The following NRXN3 variants were observed in gnomAD, a reference collection of about 807,000 sequenced individuals.
NRXN3 encodes neurexin III.
Under a neutral mutation model 137.6 loss-of-function variants are expected in NRXN3, and 32 were observed. The ratio of observed to expected loss-of-function variants is 0.23; its 90% CI spans 0.18 to 0.31. The LOEUF is 0.31. Among genes scored for constraint, NRXN3 ranks in the 10% least tolerant of loss-of-function variants. The pLI is 1.00. For missense variants in NRXN3, 1,574 were observed against 2,062.5 expected, an observed-to-expected ratio of 0.76 and a Z score of 4.59; for synonymous variants, 798 against 784.5, an observed-to-expected ratio of 1.02 and a Z score of -0.29.
At chr14:79,711,615 G>A (rs1185710904) in intron 19 of NRXN3, among the ~76,000 whole-genome samples, 3 of 152,282 alleles carry the variant, frequency 2.0e-5, no homozygotes, top group South Asian at 2.1e-4. Flanking sequence ...GTTGGCCTAA[G>A]TAATACAGCC....
chr14:79,821,826 C>A (rs4243665), intron 20 of NRXN3, among the ~76,000 whole-genome samples: 136,890 of 152,122 alleles, frequency 0.9, 61,609 homozygotes, highest in East Asian at 0.95. Flanking sequence ...TGCTGAAGGT[C>A]ATGGACCTAG....
intron 15 of NRXN3, among the ~76,000 whole-genome samples, chr14:79,344,325 C>G (rs2092762784): frequency 6.6e-6 from 1 of 152,098 alleles, no homozygotes; most frequent in South Asian, 2.1e-4. Flanking sequence ...GAGGCAGACT[C>G]TTTCTCTCTC....
chr14:78,224,191 T>G (rs1272275351), intron 1 of NRXN3, among the ~76,000 whole-genome samples: 1 of 151,970 alleles, frequency 6.6e-6, no homozygotes, highest in East Asian at 1.9e-4. Context: ...AAGACTTTTT[T>G]TTTTTTTAAC....
At chr14:78,349,117 T>C (rs1411964621) in intron 4 of NRXN3, among the ~76,000 whole-genome samples, 1 of 152,238 alleles carries the variant, frequency 6.6e-6, no homozygotes, top group African/African-American at 2.4e-5. Context: ...ATATTGATTC[T>C]CATTATTTTA....
At position 78,846,449 on chromosome 14, in the gene NRXN3, T is replaced by TG. The variant is rs1180023314; in HGVS notation, c.2275+36106dup. Among the ~76,000 whole-genome samples, 7 of 152,148 alleles carry TG rather than the reference T, an allele frequency of 4.6e-5. No individual in the cohort carries two copies. The East Asian group carries it at 9.6e-4, about 21-fold the overall frequency. ...ACAATCAGTTCTTTACAATCTCTGC[T>TG]GCTGTTATGGGATTTAAATACCATA... is the stretch of plus-strand genomic sequence containing the variant. On this transcript the variant is annotated intron_variant, in intron 10 of 20. Transcript: ENST00000335750.
intron 16 of NRXN3, among the ~76,000 whole-genome samples, chr14:79,659,620 T>A (rs1285239511): frequency 6.6e-6 from 1 of 152,152 alleles, no homozygotes; most frequent in Non-Finnish European, 1.5e-5. Context: ...AGACTGACAT[T>A]TTGTGGGTCC....
rs190168234 is a variant in NRXN3, at chr14:78,227,992, C to T, written c.-703-14399C>T. On this transcript the variant is annotated intron_variant, in intron 1 of 20. Coordinates refer to ENST00000335750, the MANE Select transcript of NRXN3 (RefSeq NM_001330195.2). ...TCATTTTTGCTAATATGCCATTCAGCGAAAGCAAGTCACATGTCTGAGCTT... is the reference window on the plus strand; with the variant it reads ...TCATTTTTGCTAATATGCCATTCAGTGAAAGCAAGTCACATGTCTGAGCTT... 2.0e-3 allele frequency among the ~76,000 whole-genome samples: 304 copies of T among 152,174 alleles called. 2 individuals are homozygous for T. Among genetic ancestry groups the T allele is most frequent in the African/African-American group, 7.0e-3 (292 of 41,512 alleles).
At chr14:79,435,861 C>T (rs562701893) in intron 15 of NRXN3, among the ~76,000 whole-genome samples, 20 of 152,082 alleles carry the variant, frequency 1.3e-4, no homozygotes, top group South Asian at 8.3e-4. Flanking sequence ...CTCAAACTCT[C>T]GGACTGAAGG....
intron 4 of NRXN3, among the ~76,000 whole-genome samples, chr14:78,341,512 A>G (rs868025501): frequency 2.0e-5 from 3 of 152,190 alleles, no homozygotes; most frequent in African/African-American, 7.2e-5. Context: ...CAATATGTAA[A>G]AAATGAGCGT....
chr14:79,611,472 T>A (rs138414748), intron 16 of NRXN3: 9 of 152,270 alleles, frequency 5.9e-5, no homozygotes, highest in Admixed American at 5.9e-4. Flanking sequence ...GGTTGGGGGG[T>A]GCCTGTAGTC....
chr14:78,772,536 G>C (rs1345357742), intron 8 of NRXN3, among the ~76,000 whole-genome samples: 1 of 152,158 alleles, frequency 6.6e-6, no homozygotes, highest in Non-Finnish European at 1.5e-5. Context: ...CTAGGGTAAT[G>C]ACAATGATAA....
intron 4 of NRXN3, among the ~76,000 whole-genome samples, chr14:78,551,622 A>T (rs1479746467): frequency 7.9e-6 from 1 of 126,066 alleles, no homozygotes; most frequent in Admixed American, 8.7e-5. Context: ...TCTCATTTCT[A>T]CTCTTTCCCC....
rs371971726 is a variant in NRXN3, at chr14:78,904,100, A to G, written c.2276-53142A>G. On this transcript the variant is annotated intron_variant, in intron 10 of 20. Coordinates refer to ENST00000335750, the MANE Select transcript of NRXN3 (RefSeq NM_001330195.2). The stretch of plus-strand genomic sequence containing the variant: ...CTGTGACTCATAGAGATCAGGCGAT[A>G]TGTCAAGATTATTCAGATAGTAAAA... 3.3e-5 allele frequency among the ~76,000 whole-genome samples: 5 copies of G among 152,214 alleles called. No homozygotes were observed. In the South Asian group the frequency reaches 8.3e-4, roughly 25 times the overall value.
At chr14:79,362,850 G>A (rs1483097886) in intron 15 of NRXN3, among the ~76,000 whole-genome samples, 2 of 152,184 alleles carry the variant, frequency 1.3e-5, no homozygotes, top group African/African-American at 4.8e-5. Flanking sequence ...GGCATATGCC[G>A]TTATTTTAGA....
At chr14:79,390,722 A>G (rs1348859240) in intron 15 of NRXN3, among the ~76,000 whole-genome samples, 4 of 152,178 alleles carry the variant, frequency 2.6e-5, no homozygotes, top group Non-Finnish European at 5.9e-5. Context: ...ATGTGCACAT[A>G]CATTTATTTT....
chr14:79,107,075 G>A (rs2052578351), intron 15 of NRXN3, among the ~76,000 whole-genome samples: 1 of 152,152 alleles, frequency 6.6e-6, no homozygotes, highest in East Asian at 1.9e-4. Context: ...TAAAGAATAT[G>A]AAAGGTAAAT....
intron 18 of NRXN3, among the ~76,000 whole-genome samples, chr14:79,693,363 G>C (rs543762827): frequency 6.6e-6 from 1 of 151,968 alleles, no homozygotes; most frequent in African/African-American, 2.4e-5. Context: ...ACCTTTAAAC[G>C]TGGAAAATCC....
chr14:79,011,449 A>G (rs1012893465), intron 15 of NRXN3, among the ~76,000 whole-genome samples: 4 of 148,548 alleles, frequency 2.7e-5, no homozygotes. Flanking sequence ...AAAAAAAAAC[A>G]ATTCAAGACT....
At chr14:78,520,348 T>C (rs1048703021) in intron 4 of NRXN3, among the ~76,000 whole-genome samples, 1 of 152,218 alleles carries the variant, frequency 6.6e-6, no homozygotes, top group African/African-American at 2.4e-5. Flanking sequence ...CCAGATATTT[T>C]AGCATTTAAT....
Sources: allele counts gnomAD v4.1 joint callset (sites outside exome capture counted in the v4.1 genomes callset), GRCh38; gene constraint gnomAD v4.1.1; transcripts MANE v1.5; gene names NCBI Gene and HGNC (gene_info 2026-07-23, HGNC 2026-07-21).